MAN2B1: variants seen among roughly 807,000 people sequenced by gnomAD.
MAN2B1 encodes mannosidase alpha class 2B member 1, also known as lysosomal alpha-mannosidase.
A neutral mutation model predicts 127.5 loss-of-function variants in MAN2B1; 99 were observed. The ratio of observed to expected loss-of-function variants is 0.78; its 90% CI spans 0.66 to 0.92. The LOEUF (loss-of-function observed/expected upper bound fraction) is 0.92. Ranked by LOEUF, MAN2B1 falls within the 40% of genes least tolerant of loss-of-function variation. The pLI, the probability that MAN2B1 is intolerant of heterozygous loss-of-function variation, is 0.00. For synonymous variants in MAN2B1, 573 were observed against 568.8 expected (o/e 1.01, Z -0.11); for missense variants, 1,304 against 1,384.8 (o/e 0.94, Z 0.93).
chr19:12,666,493 CT>C, intron 1 of MAN2B1, 49 bp downstream of exon 1: 1 of 1,552,946 alleles, frequency 6.4e-7, no homozygotes, highest in Non-Finnish European at 8.7e-7. Context: ...AGACTGTATT[CT>C]GGGTTTCACT....
chr19:12,648,074 G>A, intron 21 of MAN2B1, 101 bp downstream of exon 21: 2 of 1,247,326 alleles, frequency 1.6e-6, no homozygotes, highest in Non-Finnish European at 1.1e-6. Flanking sequence ...GGCTAATTAT[G>A]GCCAAATGGA....
rs1168829518 is a variant in MAN2B1 at position 12,661,362 on chromosome 19, G to A, written c.924C>T (p.Arg308=). The change falls in exon 7 of 24, where the codon CGC becomes CGT. Residue 308 remains arginine (R), a synonymous_variant. Coordinates refer to ENST00000456935, the MANE Select transcript of MAN2B1 (RefSeq NM_000528.4). ...NVATAQGRYY[R]TNHTVMTMGS... is the part of the protein sequence containing the mutation. ...CCATGGTCATCACAGTGTGGTTGGT[G>A]CGGTAATACCGGCCCTGCAGGCAAG... 6.2e-7 allele frequency: 1 copy of A among 1,612,536 alleles called. No homozygotes were observed. Among genetic ancestry groups the A allele is most frequent in the Admixed American group, 1.7e-5 (1 of 60,010 alleles).
In MAN2B1 at chr19:12,655,848, G is replaced by A. The variant is rs199588220; in HGVS notation, c.1676C>T (p.Ala559Val). 9.9e-6 allele frequency: 16 copies of A among 1,613,890 alleles called. No homozygotes were observed. The highest frequency in any genetic ancestry group is 2.2e-5 in the South Asian group (2 of 91,078). ...VVIFPSSDSQ[A>V]HPPELLFSAS... ...TGAGAACAGCAGCTCCGGAGGGTGC[G>A]CCTGGCTGTCTGAGCTGGGAAATAT... The change falls in exon 14 of 24, where the codon GCG becomes GTG. Residue 559 changes from alanine (A) to valine (V), a missense_variant. By Grantham distance (64) the Ala-to-Val change is moderately conservative. Coordinates refer to ENST00000456935, the MANE Select transcript of MAN2B1 (RefSeq NM_000528.4).
At chr19:12,665,876 G>T in intron 1 of MAN2B1, 71 bp from the exon 2 acceptor site, 1 of 1,225,640 alleles carries the variant, frequency 8.2e-7, no homozygotes, top group Non-Finnish European at 1.2e-6. Flanking sequence ...AGTAAGTCTT[G>T]ATCTAGAGGT....
intron 7 of MAN2B1, 190 bp downstream of exon 7, chr19:12,661,070 C>G: frequency 3.6e-6 from 2 of 551,826 alleles, no homozygotes; most frequent in Non-Finnish European, 6.8e-6. Context: ...TGCTGGACTT[C>G]TTACCTACAG....
rs749313909 is a variant in MAN2B1 at position 12,661,392 on chromosome 19, G to A, written c.910-16C>T. The A allele has an allele frequency of 7.8e-6, 12 of 1,533,560 alleles. No individual in the cohort carries two copies. The highest frequency in any genetic ancestry group is 1.7e-5 in the Admixed American group (1 of 59,902). The allele number at this position is 1,533,560 out of a possible 1,614,324, so 95.0% of individuals were successfully genotyped here. On this transcript the variant is annotated splice_polypyrimidine_tract_variant and intron_variant, in intron 6 of 23. Transcript: ENST00000456935. ...AATACCGGCCCTGCAGGCAAGAGGG[G>A]AGTCCTGAAGCCAGAGGATCCTGGG...
At chr19:12,656,709 A>G (rs758150128) in intron 12 of MAN2B1, 22 bp from the exon 13 acceptor site, 6 of 1,532,810 alleles carry the variant, frequency 3.9e-6, no homozygotes, top group Non-Finnish European at 5.4e-6. Context: ...GGGGTCAGAG[A>G]GGGCATGGGT....
rs1402138601 is a variant in MAN2B1, at chr19:12,647,550, G to A, written c.2713C>T (p.Leu905=). ...ACCATTTCGGGGCCCCAGCTGGCCA[G>A]CGTGAGCAGGTGCACCGAGGGCGGC... ...DLPPSVHLLT[L]ASWGPEMVLL... Residue 905 remains leucine (L), a synonymous_variant, in exon 22 of 24, where the codon CTG becomes TTG. Transcript: ENST00000456935. The surrounding 1 kb of genome is among the most constrained non-coding windows in gnomAD (Gnocchi z 4.9). The A allele has an allele frequency of 6.2e-7, 1 of 1,614,170 alleles. No homozygotes were observed. The highest frequency in any genetic ancestry group is 1.1e-5 in the South Asian group (1 of 91,086).
At chr19:12,654,117 A>G (rs2023907477) in intron 14 of MAN2B1, among the ~76,000 whole-genome samples, 1 of 145,968 alleles carries the variant, frequency 6.9e-6, no homozygotes. Context: ...ATCTCAGGTC[A>G]CTGCAAGCTC....
At chr19:12,656,824 T>G in intron 12 of MAN2B1, 125 bp downstream of exon 12, 1 of 1,043,118 alleles carries the variant, frequency 9.6e-7, no homozygotes, top group African/African-American at 1.6e-5. Flanking sequence ...GATGCGTTGT[T>G]CTCTCTGCTG....
intron 4 of MAN2B1, among the ~76,000 whole-genome samples, 153 bp downstream of exon 4, chr19:12,664,639 T>C (rs1040234339): frequency 9.2e-5 from 14 of 151,768 alleles, no homozygotes. Flanking sequence ...CAAAAGCCAC[T>C]GGCTTTACGG....
Position 12,647,124 on chromosome 19 carries a change from C to T in MAN2B1, c.2923+109G>A. ...CTGGGTCTGGACTCTGCCCCATACCCTCATGACCTTTTTGGGTCCTGGCCA... is the reference window on the plus strand; with the variant it reads ...CTGGGTCTGGACTCTGCCCCATACCTTCATGACCTTTTTGGGTCCTGGCCA... On this transcript the variant is annotated intron_variant, in intron 23 of 23. Coordinates refer to ENST00000456935, the MANE Select transcript of MAN2B1 (RefSeq NM_000528.4). This position sits in a 1 kb window ranked among gnomAD's most constrained non-coding sequence, Gnocchi z 4.9. 9.3e-7 allele frequency: 1 copy of T among 1,076,984 alleles called. No individual in the cohort carries two copies. Among genetic ancestry groups the T allele is most frequent in the Non-Finnish European group, 1.4e-6 (1 of 697,702 alleles). 66.7% of individuals were successfully genotyped at this position (1,076,984 alleles called of 1,614,324 possible). A position where few individuals can be genotyped will look rare whatever the true frequency, so the allele number is the denominator to read the frequency against.
chr19:12,659,952 G>C (rs2024064789), intron 7 of MAN2B1, among the ~76,000 whole-genome samples: 1 of 152,168 alleles, frequency 6.6e-6, no homozygotes, highest in Non-Finnish European at 1.5e-5. Context: ...ACCGTAGTGA[G>C]GACAAGATTG....
intron 11 of MAN2B1, 170 bp from the exon 12 acceptor site, chr19:12,657,226 G>T (rs767270983): frequency 4.3e-6 from 3 of 697,248 alleles, no homozygotes; most frequent in Admixed American, 2.1e-5. Flanking sequence ...AGCTGTCTCC[G>T]CCTCCTCTTG....
intron 20 of MAN2B1, 70 bp from the exon 21 acceptor site, chr19:12,648,472 T>A: frequency 1.8e-6 from 2 of 1,136,990 alleles, no homozygotes; most frequent in Non-Finnish European, 2.6e-6. Flanking sequence ...AGAAACTGGG[T>A]AAGGGCGTGT....
At position 12,651,515 on chromosome 19, in the gene MAN2B1, A is replaced by G. The variant is rs558534130; in HGVS notation, c.2046+638T>C. Among the ~76,000 whole-genome samples the G allele has an allele frequency of 1.1e-4, 17 of 152,358 alleles. No homozygotes were observed. In the South Asian group the frequency reaches 3.3e-3, roughly 30 times the overall value. On this transcript the variant is annotated intron_variant, in intron 16 of 23. Coordinates refer to ENST00000456935, the MANE Select transcript of MAN2B1 (RefSeq NM_000528.4). The stretch of plus-strand genomic sequence containing the variant: ...TTTTGTTAGAAGAAAATAATCTTCT[A>G]TCTTATTCTAGTCACAGTTAATTTG...
At chr19:12,657,848 G>A (rs2024005733) in intron 10 of MAN2B1, 2 of 621,112 alleles carry the variant, frequency 3.2e-6, no homozygotes, top group African/African-American at 3.7e-5. Flanking sequence ...CCAGCTACTC[G>A]GGAGGCTGAG....
At position 12,648,170 on chromosome 19, in the gene MAN2B1, C is replaced by T. The variant is rs1182998152; in HGVS notation, c.2664+5G>A. 2.6e-6 allele frequency: 4 copies of T among 1,535,794 alleles called. No homozygotes were observed. Among genetic ancestry groups the T allele is most frequent in the Non-Finnish European group, 3.5e-6 (4 of 1,146,734 alleles). ...GTCCTCTCTGCCTACCCCGCTGCCC[C>T]TCACCTGCGTGCGCGGAGGAGCCCC... On this transcript the variant is annotated splice_donor_5th_base_variant and intron_variant, in intron 21 of 23. Coordinates refer to ENST00000456935, the MANE Select transcript of MAN2B1 (RefSeq NM_000528.4).
In MAN2B1 at chr19:12,647,985, TAC is replaced by T. The variant is rs1030271691; in HGVS notation, c.2664+188_2664+189del. Among the ~76,000 whole-genome samples the T allele has an allele frequency of 4.6e-5, 7 of 151,922 alleles. No homozygotes were observed. Among genetic ancestry groups the T allele is most frequent in the Admixed American group, 2.0e-4 (3 of 15,264 alleles). ...GGGGCATGAGCTAGGGCTGTGCCTC[TAC>T]ACAGTCCAGGGGGGTTGGGACTGGG... On this transcript the variant is annotated intron_variant, in intron 21 of 23. Transcript: ENST00000456935. This position sits in a 1 kb window ranked among gnomAD's most constrained non-coding sequence, Gnocchi z 4.9.
Sources: gnomAD v4.1 joint callset for allele counts (sites outside exome capture counted in the v4.1 genomes callset) on GRCh38, gnomAD v4.1.1 for gene constraint, Gnocchi (gnomAD v3.1) non-coding constraint, MANE v1.5 for transcripts, NCBI Gene and HGNC (gene_info 2026-07-23, HGNC 2026-07-21) for gene names.